The following POU3F3 variants were observed in gnomAD, a reference collection of about 807,000 sequenced individuals.
POU3F3 encodes POU class 3 homeobox 3, also known as POU domain, class 3, transcription factor 3.
A neutral mutation model predicts 8.6 loss-of-function variants in POU3F3; 1 was observed. The ratio of observed to expected loss-of-function variants is 0.12; its 90% CI spans 0.04 to 0.55. The LOEUF is 0.55. Ranked by LOEUF, POU3F3 falls within the 20% of genes least tolerant of loss-of-function variation. The pLI is 0.91. For synonymous variants in POU3F3, 418 were observed against 327.4 expected (o/e 1.28, Z -2.99); for missense variants, 577 against 690.7 (o/e 0.84, Z 1.84).
chr2:104,921,371 A>G, the POU3F3 span, among the ~76,000 whole-genome samples: 2 of 152,208 alleles, frequency 1.3e-5, no homozygotes, highest in South Asian at 4.1e-4. Flanking sequence ...TTGCACTGGC[A>G]GAATCTGTCT....
At chr2:104,872,273 A>G in the POU3F3 span, 1 of 456,620 alleles carries the variant, frequency 2.2e-6, no homozygotes, top group Non-Finnish European at 4.4e-6. The surrounding 1 kb of genome is among the most constrained non-coding windows in gnomAD (Gnocchi z 4.6). Context: ...TTCCACATAC[A>G]GACAGGAAAC....
the POU3F3 span, among the ~76,000 whole-genome samples, chr2:104,909,534 G>A: frequency 6.6e-6 from 1 of 152,212 alleles, no homozygotes; most frequent in Admixed American, 6.5e-5. Flanking sequence ...GCCGGACATG[G>A]CCCTCTGTGT....
the POU3F3 span, among the ~76,000 whole-genome samples, chr2:104,872,891 G>A: frequency 6.6e-6 from 1 of 152,164 alleles, no homozygotes; most frequent in Non-Finnish European, 1.5e-5. The surrounding 1 kb of genome is among the most constrained non-coding windows in gnomAD (Gnocchi z 4.6). Context: ...TTGGAGAAGA[G>A]GTGAACTTGG....
At chr2:104,923,406 C>A in the POU3F3 span, among the ~76,000 whole-genome samples, 1 of 152,110 alleles carries the variant, frequency 6.6e-6, no homozygotes, top group Admixed American at 6.5e-5. Flanking sequence ...AGGGAAGGGA[C>A]TGTATAGGAG....
chr2:104,918,665 C>T, the POU3F3 span, among the ~76,000 whole-genome samples: 1 of 152,148 alleles, frequency 6.6e-6, no homozygotes, highest in Non-Finnish European at 1.5e-5. Flanking sequence ...GGAGCAGATT[C>T]TCTCTCGCAG....
At chr2:104,864,535 T>C in the POU3F3 span, among the ~76,000 whole-genome samples, 1 of 152,112 alleles carries the variant, frequency 6.6e-6, no homozygotes, top group Non-Finnish European at 1.5e-5. Flanking sequence ...GGCATTAGAG[T>C]TGGTTTTTTT....
At chr2:104,877,675 T>C in the POU3F3 span, among the ~76,000 whole-genome samples, 1 of 150,776 alleles carries the variant, frequency 6.6e-6, no homozygotes. Flanking sequence ...TTTTTTTTTT[T>C]TTGAGACGGA....
the POU3F3 span, among the ~76,000 whole-genome samples, chr2:104,895,921 C>T: frequency 2.0e-5 from 3 of 152,168 alleles, no homozygotes; most frequent in Admixed American, 2.0e-4. Flanking sequence ...TATGAGTTCT[C>T]TCCAGGAAGC....
the POU3F3 span, among the ~76,000 whole-genome samples, chr2:104,898,815 G>A: frequency 6.6e-6 from 1 of 152,138 alleles, no homozygotes; most frequent in East Asian, 1.9e-4. Context: ...GCATTTTGAA[G>A]GCTGTTACCC....
chr2:104,879,943 C>T, the POU3F3 span, among the ~76,000 whole-genome samples: 1 of 152,128 alleles, frequency 6.6e-6, no homozygotes, highest in Admixed American at 6.5e-5. Flanking sequence ...ATCTACTATA[C>T]GATAGAATAC....
Position 104,855,316 on chromosome 2 carries a change from G to GGGCGGA in POU3F3, c.-189_-184dup, listed in dbSNP as rs1558702614. 5.8e-5 allele frequency among the ~76,000 whole-genome samples: 8 copies of GGGCGGA among 137,598 alleles called. No individual in the cohort carries two copies. The highest frequency in any genetic ancestry group is 1.6e-4 in the African/African-American group (6 of 38,010). The allele number at this position is 137,598 out of a possible 152,430, so 90.3% of individuals were successfully genotyped here. ...GCCGCGGCGGCGGCGGCGGCGGCGGGGGCGGAGGCGGCGGCGGAGGAGGAG... is the reference window on the plus strand; with the variant it reads ...GCCGCGGCGGCGGCGGCGGCGGCGGGGGCGGAGGCGGAGGCGGCGGCGGAGGAGGAG... On this transcript the variant is annotated 5_prime_UTR_variant, in exon 1 of 1. Transcript: ENST00000361360.
the POU3F3 span, among the ~76,000 whole-genome samples, chr2:104,908,970 C>T: frequency 2.6e-5 from 4 of 151,226 alleles, no homozygotes; most frequent in South Asian, 8.4e-4. Context: ...TTTTTAAGTA[C>T]TTGCACTTTT....
At chr2:104,863,201 T>TATTATG (rs1431282935), downstream of POU3F3, among the ~76,000 whole-genome samples, 1 of 143,710 alleles carries the variant, frequency 7.0e-6, no homozygotes, top group Non-Finnish European at 1.5e-5. Flanking sequence ...TTATTATTAT[T>TATTATG]ATTATTCTGG....
the POU3F3 span, among the ~76,000 whole-genome samples, chr2:104,907,119 C>T: frequency 1.3e-4 from 20 of 152,158 alleles, no homozygotes; most frequent in African/African-American, 1.9e-4. Flanking sequence ...TAGCTCCTTC[C>T]CCCATCTCTC....
chr2:104,877,197 T>C, the POU3F3 span, among the ~76,000 whole-genome samples: 1 of 152,168 alleles, frequency 6.6e-6, no homozygotes, highest in Non-Finnish European at 1.5e-5. Context: ...AGTGCTTGGA[T>C]CCAAGCCATT....
At chr2:104,923,782 G>A in the POU3F3 span, among the ~76,000 whole-genome samples, 1 of 152,168 alleles carries the variant, frequency 6.6e-6, no homozygotes, top group African/African-American at 2.4e-5. Context: ...CTATGCACAA[G>A]AGACTCACTT....
chr2:104,926,082 A>T, the POU3F3 span: 4 of 152,246 alleles, frequency 2.6e-5, no homozygotes, highest in Non-Finnish European at 4.4e-5. Flanking sequence ...AGCAATTGCA[A>T]CAAAAGCCAA....
chr2:104,912,198 G>A, the POU3F3 span, among the ~76,000 whole-genome samples: 1 of 152,194 alleles, frequency 6.6e-6, no homozygotes, highest in African/African-American at 2.4e-5. Flanking sequence ...GTGCTGGTCG[G>A]GCAAGCATCA....
chr2:104,900,692 C>G, the POU3F3 span, among the ~76,000 whole-genome samples: 6 of 152,176 alleles, frequency 3.9e-5, no homozygotes, highest in African/African-American at 1.4e-4. Context: ...AAACTAGAGC[C>G]TGTCCCTTAT....
Sources: gnomAD v4.1 joint callset for allele counts (sites outside exome capture counted in the v4.1 genomes callset) on GRCh38, gnomAD v4.1.1 for gene constraint, Gnocchi (gnomAD v3.1) non-coding constraint, MANE v1.5 for transcripts, NCBI Gene and HGNC (gene_info 2026-07-23, HGNC 2026-07-21) for gene names.